Variants in DCAF5 observed in about 807,000 individuals in gnomAD.
DCAF5 encodes DDB1- and CUL4-associated factor 5.
DCAF5 carries 9 observed loss-of-function variants against 80.7 expected under a neutral mutation model. The observed-to-expected ratio is 0.11, with a 90% CI of 0.07 to 0.19. DCAF5 has a LOEUF of 0.19. DCAF5 is among the 10% of genes least tolerant of loss of function. DCAF5 has a pLI of 1.00. For missense variants in DCAF5, 842 were observed against 1,205.7 expected (o/e 0.70, Z 4.47); for synonymous variants, 433 against 461.9 (o/e 0.94, Z 0.80).
intron 6 of DCAF5, among the ~76,000 whole-genome samples, chr14:69,077,658 A>G (rs1316012546): frequency 6.6e-6 from 1 of 152,144 alleles, no homozygotes; most frequent in African/African-American, 2.4e-5. Context: ...GATTATAGGA[A>G]TAGGCTACAC....
At chr14:69,104,760 G>C (rs1157230719) in intron 5 of DCAF5, among the ~76,000 whole-genome samples, 2 of 152,026 alleles carry the variant, frequency 1.3e-5, no homozygotes, top group Non-Finnish European at 2.9e-5. Context: ...AGGAGGCTGA[G>C]GCAGGAGAAT....
intron 5 of DCAF5, among the ~76,000 whole-genome samples, chr14:69,112,044 C>A (rs1555375790): frequency 6.6e-6 from 1 of 152,138 alleles, no homozygotes; most frequent in Non-Finnish European, 1.5e-5. Flanking sequence ...AAAGGTCCGA[C>A]AATATCAGAT....
At chr14:69,094,930 A>G (rs2039650603) in intron 5 of DCAF5, among the ~76,000 whole-genome samples, 1 of 152,220 alleles carries the variant, frequency 6.6e-6, no homozygotes, top group Non-Finnish European at 1.5e-5. Flanking sequence ...CACTGTGAGA[A>G]ACATGATTCC....
chr14:69,105,930 T>TAG (rs2040133911), intron 5 of DCAF5, among the ~76,000 whole-genome samples: 2 of 100,384 alleles, frequency 2.0e-5, no homozygotes, highest in Non-Finnish European at 4.9e-5. Context: ...TATATATATA[T>TAG]ATATATATAT....
rs1348211966 is a variant in DCAF5 at position 69,054,972 on chromosome 14, C to T, written c.1714G>A (p.Glu572Lys). The T allele has an allele frequency of 1.1e-5, 17 of 1,614,130 alleles. No homozygotes were observed. The highest frequency in any genetic ancestry group is 1.4e-5 in the Non-Finnish European group (16 of 1,180,050). The change falls in exon 9 of 9, where the codon GAG becomes AAG. Residue 572 changes from glutamate (E) to lysine (K), a missense_variant. This residue lies in a region of DCAF5 where 607 missense variants were observed against 656.6 expected (regional missense o/e 0.92). Coordinates refer to ENST00000341516, the MANE Select transcript of DCAF5 (RefSeq NM_003861.3). ...GAGGCTCGGCGTTCATTCAGCTCCTCCTCATCCTCAGAGCTGCTAGAGCTG... is the reference window on the plus strand; with the variant it reads ...GAGGCTCGGCGTTCATTCAGCTCCTTCTCATCCTCAGAGCTGCTAGAGCTG... ...SSSSSSSEDE[E>K]ELNERRASTW... is the part of the protein sequence containing the mutation.
At chr14:69,071,685 C>CATT (rs1273935325) in intron 7 of DCAF5, among the ~76,000 whole-genome samples, 8 of 152,014 alleles carry the variant, frequency 5.3e-5, no homozygotes, top group Non-Finnish European at 8.8e-5. Flanking sequence ...TTATTTAAGT[C>CATT]AAAAAGACAT....
intron 5 of DCAF5, among the ~76,000 whole-genome samples, chr14:69,107,757 T>C (rs1248978418): frequency 6.6e-6 from 1 of 152,182 alleles, no homozygotes; most frequent in Non-Finnish European, 1.5e-5. Context: ...ACTCAGGGAT[T>C]AGCAGGTCCA....
Position 69,152,922 on chromosome 14 carries a change from G to A in DCAF5, c.57C>T (p.Ser19=). The A allele has an allele frequency of 6.2e-7, 1 of 1,613,654 alleles. No homozygotes were observed. Among genetic ancestry groups the A allele is most frequent in the Non-Finnish European group, 8.5e-7 (1 of 1,179,968 alleles). ...GSMRSVVGFL[S]QRGLHGDPLL... ...GGGGGTCCCCATGCAAGCCCCGCTG[G>A]GACAAGAAGCCCACCACTGACCTCA... is the stretch of plus-strand genomic sequence containing the variant. The change falls in exon 1 of 9, where the codon TCC becomes TCT. Residue 19 remains serine (S), a synonymous_variant. Transcript: ENST00000341516. This position sits in a 1 kb window ranked among gnomAD's most constrained non-coding sequence, Gnocchi z 4.1.
chr14:69,140,483 A>G (rs1486368241), intron 1 of DCAF5, among the ~76,000 whole-genome samples: 1 of 152,144 alleles, frequency 6.6e-6, no homozygotes, highest in Non-Finnish European at 1.5e-5. Context: ...TATTTTACAG[A>G]TGACTGTAAC....
chr14:69,153,152 C>G (rs1432203836), upstream of DCAF5: 2 of 461,350 alleles, frequency 4.3e-6, no homozygotes, highest in Non-Finnish European at 7.4e-6. Flanking sequence ...GGCTTCCTGA[C>G]GGTCCCCTCC....
At chr14:69,112,126 G>A (rs2140042024) in intron 5 of DCAF5, among the ~76,000 whole-genome samples, 1 of 152,282 alleles carries the variant, frequency 6.6e-6, no homozygotes, top group South Asian at 2.1e-4. Context: ...AGTATATCAG[G>A]TAGACCAAAA....
At chr14:69,073,048 G>GT (rs2038760198) in intron 7 of DCAF5, among the ~76,000 whole-genome samples, 2 of 152,190 alleles carry the variant, frequency 1.3e-5, no homozygotes, top group Non-Finnish European at 2.9e-5. Context: ...GTGCATTTTA[G>GT]AATAAAGCAG....
At chr14:69,104,670 A>T (rs756859297) in intron 5 of DCAF5, among the ~76,000 whole-genome samples, 1 of 152,136 alleles carries the variant, frequency 6.6e-6, no homozygotes, top group Non-Finnish European at 1.5e-5. Context: ...AGCCTGGCCA[A>T]CATGGTGAAA....
intron 7 of DCAF5, among the ~76,000 whole-genome samples, chr14:69,071,273 C>T (rs1212054508): frequency 1.3e-5 from 2 of 152,088 alleles, no homozygotes; most frequent in African/African-American, 4.8e-5. Context: ...ATTGTTTATA[C>T]AGTAAATAAA....
intron 5 of DCAF5, among the ~76,000 whole-genome samples, chr14:69,100,710 A>G (rs1174369450): frequency 1.3e-5 from 2 of 152,232 alleles, no homozygotes; most frequent in African/African-American, 4.8e-5. Flanking sequence ...AAACAGATTC[A>G]AAACACACAA....
chr14:69,087,939 G>A (rs1420982298), intron 6 of DCAF5, among the ~76,000 whole-genome samples: 1 of 152,184 alleles, frequency 6.6e-6, no homozygotes, highest in Non-Finnish European at 1.5e-5. Context: ...AGCAGAATAG[G>A]TATGGTGCAC....
chr14:69,085,352 G>A, intron 6 of DCAF5: 1 of 662,410 alleles, frequency 1.5e-6, no homozygotes, highest in Non-Finnish European at 2.8e-6. Context: ...AAACATATTA[G>A]CAAGCAAACA....
At chr14:69,080,450 C>G (rs1359644224) in intron 6 of DCAF5, among the ~76,000 whole-genome samples, 1 of 152,138 alleles carries the variant, frequency 6.6e-6, no homozygotes, top group South Asian at 2.1e-4. Flanking sequence ...AGTACTTCAT[C>G]GTATTAAAAC....
At chr14:69,109,732 A>C (rs2040290229) in intron 5 of DCAF5, among the ~76,000 whole-genome samples, 1 of 152,100 alleles carries the variant, frequency 6.6e-6, no homozygotes, top group African/African-American at 2.4e-5. Flanking sequence ...CTTTTGATGG[A>C]TATTTAGGTT....
Sources: allele counts gnomAD v4.1 joint callset (sites outside exome capture counted in the v4.1 genomes callset), GRCh38; gene constraint gnomAD v4.1.1; regional missense constraint gnomAD v4.1.1; non-coding constraint Gnocchi (gnomAD v3.1); transcripts MANE v1.5; gene names NCBI Gene and HGNC (gene_info 2026-07-23, HGNC 2026-07-21).